The following ANKRD36C variants were observed in gnomAD, a reference collection of about 807,000 sequenced individuals.
The protein encoded by ANKRD36C is ankyrin repeat domain-containing protein 36C.
Under a neutral mutation model 276.4 loss-of-function variants are expected in ANKRD36C, and 61 were observed. That is an observed-to-expected ratio of 0.22 (90% CI 0.18 to 0.27). The LOEUF (loss-of-function observed/expected upper bound fraction) is 0.27, where lower values mean the gene tolerates loss of function less well. ANKRD36C is among the 10% of genes least tolerant of loss of function. The pLI is 1.00. For synonymous variants in ANKRD36C, 483 were observed against 680.1 expected (o/e 0.71, Z 4.51); for missense variants, 1,447 against 2,032.3 (o/e 0.71, Z 5.54).
rs1201650981 is a variant in ANKRD36C at position 95,928,265 on chromosome 2, G to T, written c.1837+807C>A. ...TAGCCTTGTTGGAAGTATCATGTTA[G>T]TCTCTAAGGAAGTTTCATTAAATAG... On this transcript the variant is annotated intron_variant, in intron 26 of 66. Transcript: ENST00000456556. Among the ~76,000 whole-genome samples the T allele has an allele frequency of 3.3e-5, 5 of 151,694 alleles. No homozygotes were observed. The East Asian group carries it at 5.8e-4, about 18-fold the overall frequency.
At chr2:95,959,506 T>A (rs554213853) in intron 10 of ANKRD36C, among the ~76,000 whole-genome samples, 1 of 152,340 alleles carries the variant, frequency 6.6e-6, no homozygotes, top group African/African-American at 2.4e-5. Flanking sequence ...AAATTTGGCA[T>A]ACTTATACAA....
At chr2:95,863,477 A>G (rs1051068769) in intron 60 of ANKRD36C, among the ~76,000 whole-genome samples, 2 of 152,178 alleles carry the variant, frequency 1.3e-5, no homozygotes, top group African/African-American at 2.4e-5. Flanking sequence ...GTATATCTCA[A>G]CTCAGTCTGT....
At chr2:95,921,864 C>T in intron 32 of ANKRD36C, 54 bp from the exon 33 acceptor site, 1 of 1,538,622 alleles carries the variant, frequency 6.5e-7, no homozygotes, top group Non-Finnish European at 8.8e-7. Context: ...ATTTTCCATA[C>T]ATTCATGCGG....
At chr2:95,871,094 A>G (rs1310164519) in intron 59 of ANKRD36C, among the ~76,000 whole-genome samples, 1 of 152,254 alleles carries the variant, frequency 6.6e-6, no homozygotes, top group Non-Finnish European at 1.5e-5. Flanking sequence ...AACACACTGC[A>G]GGATATTATC....
At chr2:95,857,078 C>T (rs900702339) in intron 62 of ANKRD36C, among the ~76,000 whole-genome samples, 2 of 151,914 alleles carry the variant, frequency 1.3e-5, no homozygotes, top group African/African-American at 4.8e-5. Flanking sequence ...CTAACAATAT[C>T]ATTAAGTATA....
chr2:95,959,716 C>T (rs1678411227), intron 10 of ANKRD36C, among the ~76,000 whole-genome samples: 1 of 152,198 alleles, frequency 6.6e-6, no homozygotes, highest in African/African-American at 2.4e-5. Context: ...AGTTAGCTCT[C>T]TGAACAACAA....
chr2:95,881,700 G>A (rs1676089009), intron 56 of ANKRD36C, among the ~76,000 whole-genome samples: 1 of 152,020 alleles, frequency 6.6e-6, no homozygotes, highest in Non-Finnish European at 1.5e-5. Context: ...CATTGGAGCA[G>A]CCAGAAATCA....
At chr2:95,856,226 C>T (rs748928046) in intron 62 of ANKRD36C, 46 bp from the exon 83 acceptor site, 1 of 1,578,782 alleles carries the variant, frequency 6.3e-7, no homozygotes, top group Non-Finnish European at 8.6e-7. Flanking sequence ...AATAGGATAA[C>T]ATATTGTGAT....
chr2:95,945,665 C>T (rs999289937), intron 17 of ANKRD36C, among the ~76,000 whole-genome samples: 15 of 152,098 alleles, frequency 9.9e-5, no homozygotes, highest in Non-Finnish European at 2.1e-4. Flanking sequence ...GTGTCAAAAG[C>T]TAAAAACAAA....
At chr2:95,866,188 C>T (rs1313457598) in intron 60 of ANKRD36C, among the ~76,000 whole-genome samples, 3 of 151,852 alleles carry the variant, frequency 2.0e-5, no homozygotes, top group Non-Finnish European at 1.5e-5. Context: ...TATAAAATTT[C>T]TAGAACAAAC....
chr2:95,879,832 C>A (rs2104319808), intron 58 of ANKRD36C, among the ~76,000 whole-genome samples: 1 of 147,384 alleles, frequency 6.8e-6, no homozygotes, highest in East Asian at 2.0e-4. Context: ...ATTGAAATTC[C>A]AAATTGGAAA....
chr2:95,891,430 C>G (rs996082956), intron 46 of ANKRD36C, among the ~76,000 whole-genome samples: 5 of 151,428 alleles, frequency 3.3e-5, no homozygotes, highest in African/African-American at 7.3e-5. Context: ...CCTTGAACTG[C>G]TCTCCATATT....
rs200101836 is a variant in ANKRD36C, at chr2:95,920,417, TC to T, written c.2245+1189del. 5.2e-4 allele frequency among the ~76,000 whole-genome samples: 69 copies of T among 132,094 alleles called. 16 individuals carry two copies. The highest frequency in any genetic ancestry group is 5.2e-3 in the Admixed American group (66 of 12,656). The allele number at this position is 132,094 out of a possible 152,430, so 86.7% of individuals were successfully genotyped here. A position where few individuals can be genotyped will look rare whatever the true frequency, so the allele number is the denominator to read the frequency against. ...ACTTCAGTTGAATGTACACTTCACA[TC>T]CCCTTCAGTGGAAGTGTCCTAAATT... On this transcript the variant is annotated intron_variant, in intron 34 of 66. Transcript: ENST00000456556.
At chr2:95,961,940 TTC>T (rs1314658276) in intron 8 of ANKRD36C, among the ~76,000 whole-genome samples, 2 of 152,042 alleles carry the variant, frequency 1.3e-5, no homozygotes, top group South Asian at 2.1e-4. Context: ...GTCTGCTTAG[TTC>T]TCTTTCTACA....
At chr2:95,917,804 T>G in intron 36 of ANKRD36C, 51 bp downstream of exon 38, 1 of 1,553,712 alleles carries the variant, frequency 6.4e-7, no homozygotes, top group Non-Finnish European at 8.7e-7. Flanking sequence ...GGTAGAGAAG[T>G]TCTTTTCTAT....
At chr2:95,954,441 A>G (rs946560434) in intron 13 of ANKRD36C, among the ~76,000 whole-genome samples, 3 of 152,050 alleles carry the variant, frequency 2.0e-5, no homozygotes, top group Admixed American at 2.0e-4. Context: ...TCTCTTCTCC[A>G]TTATCTATTT....
At chr2:95,915,466 C>G (rs951635313) in intron 38 of ANKRD36C, among the ~76,000 whole-genome samples, 10 of 151,188 alleles carry the variant, frequency 6.6e-5, no homozygotes, top group Non-Finnish European at 1.3e-4. Context: ...GTTTCCTCAG[C>G]AGTAACCCCA....
intron 30 of ANKRD36C, 54 bp downstream of exon 30, chr2:95,925,298 A>C: frequency 6.5e-7 from 1 of 1,546,708 alleles, no homozygotes; most frequent in Non-Finnish European, 8.7e-7. Flanking sequence ...CAGGGGTGGG[A>C]CGTTCTCTTC....
At chr2:95,990,613 T>C (rs1679119365) in intron 1 of ANKRD36C, among the ~76,000 whole-genome samples, 1 of 152,226 alleles carries the variant, frequency 6.6e-6, no homozygotes, top group Admixed American at 6.5e-5. Flanking sequence ...GATAACTTTA[T>C]TTGGATTATG....
Sources: gnomAD v4.1 joint callset for allele counts (sites outside exome capture counted in the v4.1 genomes callset) on GRCh38, gnomAD v4.1.1 for gene constraint, MANE v1.5 for transcripts, NCBI Gene and HGNC (gene_info 2026-07-23, HGNC 2026-07-21) for gene names.